The following PTPRN2 variants were observed in gnomAD, a reference collection of about 807,000 sequenced individuals.
The protein encoded by PTPRN2 is receptor-type tyrosine-protein phosphatase N2.
Under a neutral mutation model 118.8 loss-of-function variants are expected in PTPRN2, and 74 were observed. The observed-to-expected ratio is 0.62, with a 90% confidence interval of 0.52 to 0.76. The LOEUF is 0.76. Ranked by LOEUF, PTPRN2 falls within the 30% of genes least tolerant of loss-of-function variation. The pLI is 0.00. For missense variants in PTPRN2, 1,481 were observed against 1,394.4 expected (o/e 1.06, Z -0.99); for synonymous variants, 641 against 608.0 (o/e 1.05, Z -0.80).
intron 3 of PTPRN2, among the ~76,000 whole-genome samples, chr7:158,255,553 T>C (rs551246603): frequency 6.6e-6 from 1 of 151,858 alleles, no homozygotes; most frequent in South Asian, 2.1e-4. Context: ...GGACAGTATG[T>C]GTGTACAGAG....
chr7:158,541,602 G>A, intron 1 of PTPRN2: 1 of 1,351,346 alleles, frequency 7.4e-7, no homozygotes, highest in South Asian at 1.1e-5. Flanking sequence ...AGATTCCACA[G>A]CCATCTGGCT....
chr7:158,386,176 C>T (rs1443490885), intron 2 of PTPRN2, among the ~76,000 whole-genome samples: 1 of 137,426 alleles, frequency 7.3e-6, no homozygotes, highest in Non-Finnish European at 1.5e-5. Context: ...TCCTCCTGTG[C>T]CCCAAGTCCC....
At chr7:158,339,997 A>T (rs1243790414) in intron 2 of PTPRN2, among the ~76,000 whole-genome samples, 1 of 56,026 alleles carries the variant, frequency 1.8e-5, no homozygotes, top group Admixed American at 1.9e-4. Context: ...CGCCCGCAGA[A>T]GTCACTCACA....
At chr7:158,270,948 C>T (rs111723934) in intron 3 of PTPRN2, among the ~76,000 whole-genome samples, 1 of 31,072 alleles carries the variant, frequency 3.2e-5, no homozygotes. Flanking sequence ...ACCACCCCCC[C>T]ACCTGGACCA....
At chr7:157,554,347 C>T (rs13223759) in intron 21 of PTPRN2, among the ~76,000 whole-genome samples, 1 of 122,958 alleles carries the variant, frequency 8.1e-6, no homozygotes, top group Non-Finnish European at 1.7e-5. Context: ...GGCATGGGTG[C>T]GGCCAGGCCG....
chr7:158,019,926 C>T (rs1199864982), intron 11 of PTPRN2, among the ~76,000 whole-genome samples: 2 of 152,242 alleles, frequency 1.3e-5, no homozygotes, highest in African/African-American at 4.8e-5. Flanking sequence ...CTCAGCTTCG[C>T]CAGACATCCC....
In PTPRN2 at chr7:158,126,694, C is replaced by T. The variant is rs111918830; in HGVS notation, c.1556+6983G>A. 4.5e-3 allele frequency among the ~76,000 whole-genome samples: 659 copies of T among 146,658 alleles called. 28 individuals are homozygous for T. In the East Asian group the frequency reaches 0.11, roughly 24 times the overall value. ...ACAGCGGGCGGCGGAACTTCCTCTC[C>T]GCCACACCAGCCCCCGGAGAGCGGG... On this transcript the variant is annotated intron_variant, in intron 9 of 22. Coordinates refer to ENST00000389418, the MANE Select transcript of PTPRN2 (RefSeq NM_002847.5).
At chr7:157,793,387 C>A (rs747662655) in intron 12 of PTPRN2, among the ~76,000 whole-genome samples, 2 of 151,540 alleles carry the variant, frequency 1.3e-5, no homozygotes, top group Non-Finnish European at 2.9e-5. Flanking sequence ...CCCTGTGTAC[C>A]CTGTGAGTAT....
At chr7:157,668,295 C>T (rs1796241828) in intron 13 of PTPRN2, among the ~76,000 whole-genome samples, 1 of 152,228 alleles carries the variant, frequency 6.6e-6, no homozygotes, top group African/African-American at 2.4e-5. Context: ...GAGAAAATTA[C>T]AGAGTGGAAA....
rs1221452379 is a variant in PTPRN2, at chr7:158,015,204, CTG to C, written c.1723+66092_1723+66093del. Among the ~76,000 whole-genome samples, 1 of 152,176 alleles carries C rather than the reference CTG, an allele frequency of 6.6e-6. No individual in the cohort carries two copies. The highest frequency in any genetic ancestry group is 2.4e-5 in the African/African-American group (1 of 41,434). ...TTCATGAGCACTGCAGAGTGCCAGTCTGTGCCTCATTTCTACTCCACGTTGAA... is the reference window on the plus strand; with the variant it reads ...TTCATGAGCACTGCAGAGTGCCAGTCTGCCTCATTTCTACTCCACGTTGAA... On this transcript the variant is annotated intron_variant, in intron 11 of 22. Transcript: ENST00000389418. This position sits in a 1 kb window ranked among gnomAD's most constrained non-coding sequence, Gnocchi z 4.2.
intron 2 of PTPRN2, among the ~76,000 whole-genome samples, chr7:158,412,503 A>T (rs1161691927): frequency 3.1e-5 from 2 of 64,650 alleles, no homozygotes; most frequent in Non-Finnish European, 5.9e-5. Flanking sequence ...CCTCCTCAGC[A>T]CCAGGGCCCA....
chr7:158,335,348 C>T (rs528942480), intron 2 of PTPRN2, among the ~76,000 whole-genome samples: 498 of 16,068 alleles, frequency 0.031, 2 homozygotes, highest in African/African-American at 0.075. Flanking sequence ...AGAGGTGACA[C>T]CTGCAGATAT....
rs1351013190 is a variant in PTPRN2 at position 157,583,759 on chromosome 7, G to A, written c.2497-5619C>T. Among the ~76,000 whole-genome samples, 3 of 152,178 alleles carry A rather than the reference G, an allele frequency of 2.0e-5. No individual in the cohort carries two copies. The highest frequency in any genetic ancestry group is 6.5e-5 in the Admixed American group (1 of 15,276). On this transcript the variant is annotated intron_variant, in intron 17 of 22. Transcript: ENST00000389418. The surrounding 1 kb of genome is among the most constrained non-coding windows in gnomAD (Gnocchi z 5.5). Reference sequence around the variant, plus strand: ...TTAGCCAGGTGTGTTGGTGGGTGCTGTAATCCCAGCTACTCAGGAGGCTGA... The same window carrying A: ...TTAGCCAGGTGTGTTGGTGGGTGCTATAATCCCAGCTACTCAGGAGGCTGA...
At chr7:157,899,184 T>C (rs1797300580) in intron 11 of PTPRN2, among the ~76,000 whole-genome samples, 1 of 152,208 alleles carries the variant, frequency 6.6e-6, no homozygotes, top group African/African-American at 2.4e-5. Context: ...ATTTCTGCCA[T>C]CAGCACCGCC....
At chr7:157,612,985 G>C (rs986753952) in intron 15 of PTPRN2, among the ~76,000 whole-genome samples, 3 of 152,182 alleles carry the variant, frequency 2.0e-5, no homozygotes, top group Non-Finnish European at 4.4e-5. Context: ...GCTCCGGAGG[G>C]TTGATCTCAC....
intron 11 of PTPRN2, among the ~76,000 whole-genome samples, chr7:158,078,509 C>G (rs1179134345): frequency 6.6e-6 from 1 of 152,254 alleles, no homozygotes; most frequent in Non-Finnish European, 1.5e-5. Context: ...AAAACACAAA[C>G]CATAAGAAAC....
intron 12 of PTPRN2, among the ~76,000 whole-genome samples, chr7:157,778,306 T>C (rs1342199481): frequency 3.3e-5 from 5 of 152,200 alleles, no homozygotes; most frequent in South Asian, 2.1e-4. Context: ...CGTAAACATG[T>C]ACATGTGAAT....
Position 158,194,474 on chromosome 7 carries a change from G to A in PTPRN2, c.381-1979C>T, listed in dbSNP as rs114073477. Among the ~76,000 whole-genome samples, 1,366 of 152,282 alleles carry A rather than the reference G, an allele frequency of 9.0e-3. 24 individuals are homozygous for A. Among genetic ancestry groups the A allele is most frequent in the African/African-American group, 0.031 (1,283 of 41,552 alleles). ...AGCAATGCTCCCAAATCCCCTTCCC[G>A]CTGAGAGCCATGCTCAGCGATGACC... On this transcript the variant is annotated intron_variant, in intron 4 of 22. Coordinates refer to ENST00000389418, the MANE Select transcript of PTPRN2 (RefSeq NM_002847.5).
intron 2 of PTPRN2, among the ~76,000 whole-genome samples, chr7:158,411,228 G>A (rs933905264): frequency 6.6e-6 from 1 of 152,260 alleles, no homozygotes; most frequent in Admixed American, 6.5e-5. Context: ...TGCCTCCCAC[G>A]GCTTCTTCAC....
Sources: allele counts gnomAD v4.1 joint callset (sites outside exome capture counted in the v4.1 genomes callset), GRCh38; gene constraint gnomAD v4.1.1; non-coding constraint Gnocchi (gnomAD v3.1); transcripts MANE v1.5; gene names NCBI Gene and HGNC (gene_info 2026-07-23, HGNC 2026-07-21).